MECOM: variants seen among roughly 807,000 people sequenced by gnomAD.
MECOM encodes the protein histone-lysine N-methyltransferase MECOM.
A neutral mutation model predicts 116.3 loss-of-function variants in MECOM; 13 were observed. The observed-to-expected ratio is 0.11, with a 90% CI of 0.07 to 0.18. The LOEUF (loss-of-function observed/expected upper bound fraction) is 0.18, where lower values mean the gene tolerates loss of function less well. MECOM is among the 10% of genes least tolerant of loss of function. The pLI is 1.00. For synonymous variants in MECOM, 528 were observed against 535.2 expected, an observed-to-expected ratio of 0.99 and a Z score of 0.19; for missense variants, 1,299 against 1,509.0, an observed-to-expected ratio of 0.86 and a Z score of 2.31.
intron 2 of MECOM, among the ~76,000 whole-genome samples, chr3:169,334,746 A>T (rs1723319848): frequency 6.6e-6 from 1 of 152,228 alleles, no homozygotes; most frequent in Admixed American, 6.6e-5. Context: ...TTGCCATTTT[A>T]CAGTGGCAAA....
chr3:169,106,242 G>C (rs1035728084), intron 10 of MECOM, among the ~76,000 whole-genome samples: 1 of 151,984 alleles, frequency 6.6e-6, no homozygotes, highest in Non-Finnish European at 1.5e-5. Context: ...CCTATTTTAT[G>C]GTTATCCCAC....
chr3:169,432,363 G>T lies in MECOM; in HGVS notation c.38-50839C>A, dbSNP rs147293166. 8.1e-3 allele frequency among the ~76,000 whole-genome samples: 1,229 copies of T among 152,172 alleles called. 19 individuals are homozygous for T. Among genetic ancestry groups the T allele is most frequent in the African/African-American group, 0.028 (1,171 of 41,524 alleles). On this transcript the variant is annotated intron_variant, in intron 1 of 16. Transcript: ENST00000651503. ...GGTAGAGACAGGGTTTCACCATGTT[G>T]GCCAGGCTGGTCTCGAACTCCTGAC...
chr3:169,573,089 A>G (rs1033532397), intron 1 of MECOM, among the ~76,000 whole-genome samples: 1 of 152,134 alleles, frequency 6.6e-6, no homozygotes, highest in Admixed American at 6.5e-5. Flanking sequence ...TCCACGCCCC[A>G]GGGGCAGCCT....
At chr3:169,469,286 C>A (rs1019101972) in intron 1 of MECOM, among the ~76,000 whole-genome samples, 1 of 152,108 alleles carries the variant, frequency 6.6e-6, no homozygotes, top group Admixed American at 6.6e-5. Context: ...ATGTGTGGAA[C>A]AGTAAGAAGT....
At chr3:169,127,169 T>C (rs1733150091) in intron 5 of MECOM, among the ~76,000 whole-genome samples, 1 of 152,156 alleles carries the variant, frequency 6.6e-6, no homozygotes, top group Non-Finnish European at 1.5e-5. Context: ...AAGTAGGTTC[T>C]AGTGTTGTTA....
intron 2 of MECOM, among the ~76,000 whole-genome samples, chr3:169,322,997 T>TA (rs748984561): frequency 0.014 from 767 of 56,008 alleles, 76 homozygotes; most frequent in African/African-American, 0.017. Flanking sequence ...AAGACTCCGG[T>TA]AAAAAAAAAA....
chr3:169,358,624 G>C (rs1727698266), intron 2 of MECOM, among the ~76,000 whole-genome samples: 1 of 151,442 alleles, frequency 6.6e-6, no homozygotes, highest in African/African-American at 2.4e-5. Context: ...AAAGATAACT[G>C]TCCCAAAGGC....
At chr3:169,261,733 AGGAG>A (rs1174964882) in intron 2 of MECOM, among the ~76,000 whole-genome samples, 17 of 123,280 alleles carry the variant, frequency 1.4e-4, no homozygotes, top group Admixed American at 7.5e-4. Context: ...GAGAAGGAGA[AGGAG>A]AAGGAGAAAA....
At chr3:169,505,684 C>T (rs749939745) in intron 1 of MECOM, among the ~76,000 whole-genome samples, 19 of 152,150 alleles carry the variant, frequency 1.2e-4, no homozygotes, top group Non-Finnish European at 7.3e-5. Flanking sequence ...CAGAACTTAG[C>T]CATCTTGCAC....
chr3:169,410,225 C>T (rs1737326885), intron 1 of MECOM, among the ~76,000 whole-genome samples: 1 of 152,198 alleles, frequency 6.6e-6, no homozygotes, highest in Admixed American at 6.5e-5. Context: ...AAAATTGTAC[C>T]TTAACTTGAA....
intron 2 of MECOM, among the ~76,000 whole-genome samples, chr3:169,234,174 T>C (rs1753747821): frequency 6.6e-6 from 1 of 152,018 alleles, no homozygotes. Flanking sequence ...ATGGAAAGAA[T>C]AGAAACAGAC....
chr3:169,170,385 G>A (rs1424300611), intron 2 of MECOM, among the ~76,000 whole-genome samples: 1 of 119,868 alleles, frequency 8.3e-6, no homozygotes. Context: ...CCAGCCCAGC[G>A]ACAGAGCAAG....
intron 1 of MECOM, among the ~76,000 whole-genome samples, chr3:169,487,272 G>A (rs973872840): frequency 3.3e-5 from 5 of 151,922 alleles, no homozygotes; most frequent in East Asian, 1.9e-4. Context: ...GGTAAATAAT[G>A]TGTATAAATC....
intron 2 of MECOM, among the ~76,000 whole-genome samples, chr3:169,304,272 C>T (rs1717283909): frequency 6.6e-6 from 1 of 152,170 alleles, no homozygotes; most frequent in Non-Finnish European, 1.5e-5. Context: ...ATCTGTTCAG[C>T]TGGTGAATTA....
intron 1 of MECOM, among the ~76,000 whole-genome samples, chr3:169,495,434 A>G (rs1753696071): frequency 6.6e-6 from 1 of 152,220 alleles, no homozygotes; most frequent in Admixed American, 6.5e-5. Flanking sequence ...ATTCTGAGCT[A>G]CAATTAGAGT....
chr3:169,357,290 G>A (rs1522278), intron 2 of MECOM, among the ~76,000 whole-genome samples: 62,740 of 151,506 alleles, frequency 0.41, 14,430 homozygotes, highest in East Asian at 0.59. Context: ...CCTCAAAACT[G>A]GAAAACCTTA....
intron 2 of MECOM, among the ~76,000 whole-genome samples, chr3:169,243,407 T>C (rs1047779885): frequency 5.3e-5 from 8 of 152,218 alleles, no homozygotes; most frequent in Non-Finnish European, 8.8e-5. Flanking sequence ...TGCAGAGTTT[T>C]AAAGTGCCTG....
At chr3:169,367,793 C>A (rs371086904) in intron 2 of MECOM, among the ~76,000 whole-genome samples, 2 of 151,944 alleles carry the variant, frequency 1.3e-5, no homozygotes, top group East Asian at 3.9e-4. Flanking sequence ...GCATGGCCAA[C>A]AATAATACAA....
At chr3:169,653,282 G>A (rs1775137348) in intron 1 of MECOM, among the ~76,000 whole-genome samples, 1 of 152,136 alleles carries the variant, frequency 6.6e-6, no homozygotes, top group African/African-American at 2.4e-5. Flanking sequence ...TAATCATATT[G>A]ATATCTGCCA....
Sources: gnomAD v4.1 joint callset for allele counts (sites outside exome capture counted in the v4.1 genomes callset) on GRCh38, gnomAD v4.1.1 for gene constraint, MANE v1.5 for transcripts, NCBI Gene and HGNC (gene_info 2026-07-23, HGNC 2026-07-21) for gene names.